Variants in GDPD5 observed in about 807,000 individuals in gnomAD.
GDPD5 encodes the protein glycerophosphodiester phosphodiesterase domain containing 5.
A neutral mutation model predicts 75.1 loss-of-function variants in GDPD5; 48 were observed. The observed-to-expected ratio is 0.64, with a 90% CI of 0.51 to 0.81. The LOEUF is 0.81. Ranked by LOEUF, GDPD5 falls within the 40% of genes least tolerant of loss-of-function variation. The pLI, the probability that GDPD5 is intolerant of heterozygous loss-of-function variation, is 0.00. For synonymous variants in GDPD5, 336 were observed against 339.0 expected, an observed-to-expected ratio of 0.99 and a Z score of 0.10; for missense variants, 706 against 822.6, an observed-to-expected ratio of 0.86 and a Z score of 1.73.
chr11:75,442,508 C>T lies in GDPD5; in HGVS notation c.1022G>A (p.Ser341Asn), dbSNP rs1194358064. Reference sequence around the variant, plus strand: ...GGCCAGCTCCAGGAGCTCTGCCAGGCTGCAGATGGACTGGTTCTGGGCCTC... The same window carrying T: ...GGCCAGCTCCAGGAGCTCTGCCAGGTTGCAGATGGACTGGTTCTGGGCCTC... ...HREAQNQSIC[S>N]LAELLELAKG... Residue 341 changes from serine to asparagine, a missense_variant, in exon 12 of 17, where the codon AGC becomes AAC. Transcript: ENST00000336898. 1.2e-6 allele frequency: 2 copies of T among 1,614,016 alleles called. No individual in the cohort carries two copies. The highest frequency in any genetic ancestry group is 1.7e-6 in the Non-Finnish European group (2 of 1,180,018).
intron 8 of GDPD5, 36 bp from the exon 9 acceptor site, chr11:75,449,158 C>A (rs1949063619): frequency 1.3e-6 from 2 of 1,546,282 alleles, no homozygotes; most frequent in Admixed American, 4.2e-5. Context: ...GCCTGGTGAG[C>A]CCTGGGCAGG....
intron 1 of GDPD5, among the ~76,000 whole-genome samples, chr11:75,503,165 G>A (rs762612128): frequency 6.6e-6 from 1 of 152,096 alleles, no homozygotes; most frequent in African/African-American, 2.4e-5. Flanking sequence ...GATTACATGT[G>A]TGCACCACCA....
At chr11:75,466,392 AG>A (rs1949516485) in intron 3 of GDPD5, among the ~76,000 whole-genome samples, 2 of 152,254 alleles carry the variant, frequency 1.3e-5, no homozygotes, top group African/African-American at 4.8e-5. Flanking sequence ...AAGTAGCCAG[AG>A]GAAGTGGCCT....
intron 1 of GDPD5, among the ~76,000 whole-genome samples, chr11:75,522,784 G>T (rs959388564): frequency 5.3e-5 from 8 of 152,008 alleles, no homozygotes; most frequent in Non-Finnish European, 1.2e-4. Context: ...GCTGAGGGGA[G>T]TATTAATTAT....
chr11:75,525,177 G>C (rs1340861860), intron 1 of GDPD5, 33 bp downstream of exon 1: 1 of 152,546 alleles, frequency 6.6e-6, no homozygotes, highest in East Asian at 1.9e-4. Flanking sequence ...ATGGGGTCGG[G>C]GACCGCTCCT....
chr11:75,457,623 G>T, intron 5 of GDPD5, 70 bp downstream of exon 5: 3 of 1,306,958 alleles, frequency 2.3e-6, no homozygotes, highest in African/African-American at 1.4e-5. Flanking sequence ...CCCTCCATCA[G>T]CCCAGCACAG....
chr11:75,512,597 G>C (rs1950548306), intron 1 of GDPD5, among the ~76,000 whole-genome samples: 1 of 152,184 alleles, frequency 6.6e-6, no homozygotes, highest in Non-Finnish European at 1.5e-5. Flanking sequence ...TGTTAGAGTT[G>C]TTTTTAATGG....
At chr11:75,520,484 G>T (rs1290077697) in intron 1 of GDPD5, among the ~76,000 whole-genome samples, 1 of 152,166 alleles carries the variant, frequency 6.6e-6, no homozygotes, top group Non-Finnish European at 1.5e-5. Context: ...AGAGGGAGGG[G>T]AGGATTCGGT....
At chr11:75,460,255 T>C (rs1031408823) in intron 4 of GDPD5, among the ~76,000 whole-genome samples, 1 of 152,172 alleles carries the variant, frequency 6.6e-6, no homozygotes, top group African/African-American at 2.4e-5. Flanking sequence ...GATCCCTGGC[T>C]GTCACTCACA....
chr11:75,495,108 A>C (rs1950186074), intron 1 of GDPD5, among the ~76,000 whole-genome samples: 1 of 152,062 alleles, frequency 6.6e-6, no homozygotes, highest in African/African-American at 2.4e-5. Flanking sequence ...TCTACTAAAA[A>C]TACAAAAAAT....
chr11:75,439,196 G>C (rs2135130712), intron 15 of GDPD5: 1 of 383,430 alleles, frequency 2.6e-6, no homozygotes, highest in African/African-American at 2.1e-5. Flanking sequence ...GCGGGGGTAA[G>C]GGAGGCTTCA....
intron 1 of GDPD5, among the ~76,000 whole-genome samples, chr11:75,521,603 T>G (rs942853295): frequency 6.6e-6 from 1 of 152,252 alleles, no homozygotes; most frequent in Non-Finnish European, 1.5e-5. Flanking sequence ...GGATACATTT[T>G]ACAAACTGCA....
chr11:75,465,600 A>G (rs1314220574), intron 3 of GDPD5, among the ~76,000 whole-genome samples: 1 of 152,120 alleles, frequency 6.6e-6, no homozygotes, highest in Non-Finnish European at 1.5e-5. Context: ...CCTTTCTCCT[A>G]CCCTGGCATG....
chr11:75,453,031 G>C (rs527884759), intron 6 of GDPD5: 1 of 152,268 alleles, frequency 6.6e-6, no homozygotes, highest in South Asian at 2.1e-4. Flanking sequence ...GGGCAGGAAG[G>C]GGGGCATCTC....
rs775283241 is a variant in GDPD5 at position 75,443,214 on chromosome 11, C to T, written c.870G>A (p.Pro290=). 37 of 1,606,724 alleles carry T rather than the reference C, an allele frequency of 2.3e-5. No homozygotes were observed. The highest frequency in any genetic ancestry group is 8.5e-5 in the Admixed American group (5 of 58,832). The part of the protein sequence containing the change: ...RRTTNVEEEF[P]ELARRPASML... Reference sequence around the variant, plus strand: ...TGGAGGCAGGCCTGCGGGCCAGCTCCGGGAACTCCTCCTCCACGTTGGTGG... The same window carrying T: ...TGGAGGCAGGCCTGCGGGCCAGCTCTGGGAACTCCTCCTCCACGTTGGTGG... The change falls in exon 11 of 17, where the codon CCG becomes CCA. Residue 290 remains proline, a synonymous_variant. Coordinates refer to ENST00000336898, the MANE Select transcript of GDPD5 (RefSeq NM_030792.8).
At chr11:75,504,274 T>C (rs1950350696) in intron 1 of GDPD5, among the ~76,000 whole-genome samples, 1 of 152,192 alleles carries the variant, frequency 6.6e-6, no homozygotes, top group African/African-American at 2.4e-5. Flanking sequence ...CAATTTCTAC[T>C]CCTTGCAGCA....
In GDPD5 at chr11:75,456,792, C is replaced by G; in HGVS notation, c.340G>C (p.Val114Leu). The G allele has an allele frequency of 6.2e-7, 1 of 1,614,236 alleles. No homozygotes were observed. The highest frequency in any genetic ancestry group is 8.5e-7 in the Non-Finnish European group (1 of 1,180,026). ...LLVLALCHIAVGQQMNLHWLH... is the reference protein window; with the variant it reads ...LLVLALCHIALGQQMNLHWLH... ...CAGTGCAGGTTCATCTGCTGCCCCA[C>G]GGCAATGTGACATAGTGCCAGGACC... Residue 114 changes from valine (V) to leucine (L), a missense_variant, in exon 6 of 17, where the codon GTG (valine) becomes CTG (leucine). Transcript: ENST00000336898.
rs1382494613 is a variant in GDPD5 at position 75,436,990 on chromosome 11, C to G, written c.1615G>C (p.Val539Leu). ...NPEQIMLSAA[V>L]RRTSRDVSIM... is the part of the protein sequence containing the mutation. Reference sequence around the variant, plus strand: ...CTGACGTCCCGGCTGGTCCGGCGCACCGCAGCACTCAGCATGATCTGCTCA... The same window carrying G: ...CTGACGTCCCGGCTGGTCCGGCGCAGCGCAGCACTCAGCATGATCTGCTCA... Residue 539 changes from valine to leucine, a missense_variant, in exon 16 of 17, where the codon GTG becomes CTG. By Grantham distance (32) the Val-to-Leu change is conservative (BLOSUM62 1). Coordinates refer to ENST00000336898, the MANE Select transcript of GDPD5 (RefSeq NM_030792.8). 1 of 1,613,568 alleles carries G rather than the reference C, an allele frequency of 6.2e-7. No individual in the cohort carries two copies. The highest frequency in any genetic ancestry group is 8.5e-7 in the Non-Finnish European group (1 of 1,180,006).
intron 1 of GDPD5, among the ~76,000 whole-genome samples, chr11:75,509,993 T>C (rs1278348654): frequency 2.6e-5 from 4 of 152,200 alleles, no homozygotes; most frequent in South Asian, 2.1e-4. Flanking sequence ...CATTTTCACA[T>C]AGATGGAAGC....
Sources: gnomAD v4.1 joint callset for allele counts (sites outside exome capture counted in the v4.1 genomes callset) on GRCh38, gnomAD v4.1.1 for gene constraint, MANE v1.5 for transcripts, NCBI Gene and HGNC (gene_info 2026-07-23, HGNC 2026-07-21) for gene names.